Variants in FRMPD2 observed in about 807,000 individuals in gnomAD.
FRMPD2 encodes the protein FERM and PDZ domain-containing protein 2.
A neutral mutation model predicts 140.1 loss-of-function variants in FRMPD2; 96 were observed. The observed-to-expected ratio is 0.69, with a 90% CI of 0.58 to 0.81. The LOEUF (loss-of-function observed/expected upper bound fraction) is 0.81, where lower values mean the gene tolerates loss of function less well. Ranked by LOEUF, FRMPD2 falls within the 40% of genes least tolerant of loss-of-function variation. FRMPD2 has a pLI of 0.00. For missense variants in FRMPD2, 1,240 were observed against 1,447.4 expected (o/e 0.86, Z 2.32); for synonymous variants, 449 against 547.6 (o/e 0.82, Z 2.52).
At chr10:48,244,527 C>T (rs1040470980) in intron 4 of FRMPD2, among the ~76,000 whole-genome samples, 11 of 152,186 alleles carry the variant, frequency 7.2e-5, no homozygotes, top group African/African-American at 1.7e-4. Context: ...TTCCTCTGAG[C>T]GGAGATGGCC....
intron 1 of FRMPD2, among the ~76,000 whole-genome samples, chr10:48,273,597 C>T (rs560376345): frequency 8.5e-5 from 13 of 152,170 alleles, no homozygotes; most frequent in Non-Finnish European, 1.5e-4. Context: ...GCTCAAGCAA[C>T]ACCTCTCCCA....
At chr10:48,246,338 T>C (rs922474870) in intron 3 of FRMPD2, among the ~76,000 whole-genome samples, 2 of 152,170 alleles carry the variant, frequency 1.3e-5, no homozygotes, top group Non-Finnish European at 2.9e-5. Context: ...TCACCTGGAT[T>C]CTAAGGGCTC....
chr10:48,217,425 C>A (rs1394703276), intron 12 of FRMPD2, among the ~76,000 whole-genome samples: 1 of 152,210 alleles, frequency 6.6e-6, no homozygotes, highest in Non-Finnish European at 1.5e-5. Flanking sequence ...CAGGACACAG[C>A]AGCGCCTTCT....
intron 6 of FRMPD2, 72 bp downstream of exon 6, chr10:48,240,287 GC>G: frequency 6.6e-7 from 1 of 1,509,920 alleles, no homozygotes; most frequent in Non-Finnish European, 9.0e-7. Flanking sequence ...TGGATGTGTA[GC>G]CCATACAGGG....
intron 14 of FRMPD2, among the ~76,000 whole-genome samples, chr10:48,202,831 C>T (rs1369155750): frequency 2.6e-5 from 4 of 152,090 alleles, no homozygotes; most frequent in Non-Finnish European, 4.4e-5. Flanking sequence ...GACAGGGTTT[C>T]GCTCTGTCAC....
intron 15 of FRMPD2, among the ~76,000 whole-genome samples, chr10:48,197,603 C>T (rs1838982284): frequency 6.6e-6 from 1 of 152,190 alleles, no homozygotes; most frequent in Non-Finnish European, 1.5e-5. Flanking sequence ...GATTCTGCAT[C>T]CTTTGCAAGC....
chr10:48,270,033 G>A (rs372200765), intron 1 of FRMPD2, among the ~76,000 whole-genome samples: 40 of 152,174 alleles, frequency 2.6e-4, no homozygotes, highest in African/African-American at 9.2e-4. Flanking sequence ...AGGTCAAACC[G>A]AAAGTGACTA....
chr10:48,209,302 A>G (rs1205503187), intron 13 of FRMPD2, among the ~76,000 whole-genome samples: 1 of 152,210 alleles, frequency 6.6e-6, no homozygotes, highest in African/African-American at 2.4e-5. Context: ...AAATGGCTCC[A>G]TGGTTGAGGA....
Position 48,204,865 on chromosome 10 carries a change from G to T in FRMPD2, c.1797+1883C>A, listed in dbSNP as rs1043179677. ...TAGCATGCATAGGTTTATTGTTCTAGAAGGAACAGGTTTTTGATTGAACAA... is the reference window on the plus strand; with the variant it reads ...TAGCATGCATAGGTTTATTGTTCTATAAGGAACAGGTTTTTGATTGAACAA... On this transcript the variant is annotated intron_variant, in intron 14 of 28. Coordinates refer to ENST00000374201, the MANE Select transcript of FRMPD2 (RefSeq NM_001018071.4). Among the ~76,000 whole-genome samples, 4 of 152,274 alleles carry T rather than the reference G, an allele frequency of 2.6e-5. No individual in the cohort carries two copies. In the South Asian group the frequency reaches 8.3e-4, roughly 32 times the overall value.
chr10:48,201,061 A>C (rs61840039), intron 15 of FRMPD2, among the ~76,000 whole-genome samples, 167 bp downstream of exon 15: 4,230 of 152,370 alleles, frequency 0.028, 95 homozygotes, highest in Non-Finnish European at 0.042. Flanking sequence ...GTGCTTGCCA[A>C]CATGAGAAAA....
At chr10:48,185,792 A>T in intron 17 of FRMPD2, 147 bp from the exon 18 acceptor site, 1 of 650,384 alleles carries the variant, frequency 1.5e-6, no homozygotes, top group South Asian at 1.7e-5. Flanking sequence ...CTCATATTTA[A>T]TCTCCCAGCA....
At chr10:48,204,908 G>A (rs757518788) in intron 14 of FRMPD2, among the ~76,000 whole-genome samples, 1 of 152,150 alleles carries the variant, frequency 6.6e-6, no homozygotes, top group Non-Finnish European at 1.5e-5. Context: ...ACACATGGAC[G>A]CCAACACATC....
intron 1 of FRMPD2, 66 bp from the exon 2 acceptor site, chr10:48,251,757 C>G (rs771303370): frequency 2.0e-5 from 31 of 1,588,110 alleles, no homozygotes; most frequent in Non-Finnish European, 2.6e-5. Flanking sequence ...GGCCCGTACT[C>G]GCCACTCTGG....
chr10:48,235,518 G>A (rs1469120367), intron 9 of FRMPD2, among the ~76,000 whole-genome samples: 1 of 152,208 alleles, frequency 6.6e-6, no homozygotes, highest in Non-Finnish European at 1.5e-5. Flanking sequence ...GCTGGAGTGA[G>A]CCAGAGGTGG....
intron 28 of FRMPD2, among the ~76,000 whole-genome samples, chr10:48,158,273 A>G (rs1447519379): frequency 6.9e-6 from 1 of 144,150 alleles, no homozygotes; most frequent in African/African-American, 2.6e-5. Context: ...TCCCACCACA[A>G]GTTGGGAGAA....
chr10:48,225,352 A>G (rs1839698707), intron 10 of FRMPD2, among the ~76,000 whole-genome samples: 1 of 152,212 alleles, frequency 6.6e-6, no homozygotes, highest in Non-Finnish European at 1.5e-5. Context: ...TTTCCATTCT[A>G]CAGCTTGCTA....
chr10:48,244,781 AACCT>A lies in FRMPD2; in HGVS notation c.374_375+2del, dbSNP rs1840206258. Reference sequence around the variant, plus strand: ...CAAGACTTGGAGTATCTTGTTTACAAACCTGATGTGGCGGAACATGAAACCCTGC... The same window carrying A: ...CAAGACTTGGAGTATCTTGTTTACAAGATGTGGCGGAACATGAAACCCTGC... On this transcript the variant is annotated splice_donor_variant and coding_sequence_variant, in exon 4 of 29. Coordinates refer to ENST00000374201, the MANE Select transcript of FRMPD2 (RefSeq NM_001018071.4). LOFTEE classifies it high-confidence loss of function. The A allele has an allele frequency of 1.2e-6, 2 of 1,611,716 alleles. No homozygotes were observed. Among genetic ancestry groups the A allele is most frequent in the African/African-American group, 1.3e-5 (1 of 74,984 alleles).
Position 48,259,648 on chromosome 10 carries a change from G to T in FRMPD2, c.26-7957C>A, listed in dbSNP as rs1342962007. Among the ~76,000 whole-genome samples, 4 of 151,896 alleles carry T rather than the reference G, an allele frequency of 2.6e-5. No individual in the cohort carries two copies. The South Asian group carries it at 6.2e-4, about 24-fold the overall frequency. ...TGTGTGTGTGTAAGTGTGTGTGTGT[G>T]TGTGTGTGTGAGTATACACACATAC... On this transcript the variant is annotated intron_variant, in intron 1 of 28. Coordinates refer to ENST00000374201, the MANE Select transcript of FRMPD2 (RefSeq NM_001018071.4).
rs1172733977 is a variant in FRMPD2, at chr10:48,178,076, C to A, written c.2866G>T (p.Glu956Ter). The A allele has an allele frequency of 6.9e-6, 11 of 1,603,732 alleles. No homozygotes were observed. In the African/African-American group the frequency reaches 1.3e-4, roughly 20 times the overall value. The change falls in exon 22 of 29, where the codon GAA (glutamate) becomes TAA (stop). Residue 956 changes from glutamate to a stop codon, truncating the protein, a stop_gained. Transcript: ENST00000374201. LOFTEE classifies it high-confidence loss of function. The part of the protein sequence containing the change: ...GEIYFVELVK[E>*]DGTLGFSVTG... ...ACACTGAATCCAAGTGTCCCATCTT[C>A]TTTAACCAGTTCCACAAAGTAGATT...
Sources: gnomAD v4.1 joint callset for allele counts (sites outside exome capture counted in the v4.1 genomes callset) on GRCh38, gnomAD v4.1.1 for gene constraint, MANE v1.5 for transcripts, NCBI Gene and HGNC (gene_info 2026-07-23, HGNC 2026-07-21) for gene names.